PLCG2: variants seen among roughly 807,000 people sequenced by gnomAD.
The protein encoded by PLCG2 is 1-phosphatidylinositol 4,5-bisphosphate phosphodiesterase gamma-2.
Under a neutral mutation model 175.6 loss-of-function variants are expected in PLCG2, and 69 were observed. The observed-to-expected ratio is 0.39, with a 90% confidence interval of 0.32 to 0.48. The LOEUF (loss-of-function observed/expected upper bound fraction) is 0.48. PLCG2 is among the 20% of genes least tolerant of loss of function. The pLI is 0.91. For missense variants in PLCG2, 1,798 were observed against 1,650.9 expected, an observed-to-expected ratio of 1.09 and a Z score of -1.54; for synonymous variants, 827 against 624.0, an observed-to-expected ratio of 1.33 and a Z score of -4.85.
chr16:81,755,420 G>T (rs1909901913), intron 1 of PLCG2, among the ~76,000 whole-genome samples: 1 of 149,900 alleles, frequency 6.7e-6, no homozygotes, highest in South Asian at 2.1e-4. Flanking sequence ...TGCCCAGGCT[G>T]GTCTCAAACT....
chr16:81,874,095 C>A (rs999074195), intron 7 of PLCG2, among the ~76,000 whole-genome samples: 1 of 152,290 alleles, frequency 6.6e-6, no homozygotes, highest in Admixed American at 6.5e-5. Flanking sequence ...TGAGCCTGCC[C>A]CTGGTTGTAC....
intron 13 of PLCG2, among the ~76,000 whole-genome samples, chr16:81,897,534 TTTTCTTTTCTTTTC>T (rs1340697416): frequency 8.1e-6 from 1 of 123,070 alleles, no homozygotes. Context: ...TCTTTTTTTC[TTTTCTTTTCTTTTC>T]TTTTTTTTTT....
chr16:81,946,403 T>C, intron 31 of PLCG2, 140 bp downstream of exon 31: 1 of 651,192 alleles, frequency 1.5e-6, no homozygotes, highest in East Asian at 2.7e-5. Context: ...CATACAAGAA[T>C]TCCTTTTTGC....
In PLCG2 at chr16:81,789,945, G is replaced by A. The variant is rs534631703; in HGVS notation, c.193+3763G>A. Among the ~76,000 whole-genome samples, 68 of 150,878 alleles carry A rather than the reference G, an allele frequency of 4.5e-4. 1 individual carries two copies. Among genetic ancestry groups the A allele is most frequent in the African/African-American group, 1.7e-3 (68 of 40,926 alleles). ...GTTATTAAATTGGATTCAAATCTCC[G>A]TGGAGCCTATATTGCTTTATTAGGT... On this transcript the variant is annotated intron_variant, in intron 2 of 32. Coordinates refer to ENST00000564138, the MANE Select transcript of PLCG2 (RefSeq NM_002661.5).
intron 2 of PLCG2, among the ~76,000 whole-genome samples, chr16:81,829,988 G>A (rs11150416): frequency 0.42 from 63,164 of 151,596 alleles, 15,028 homozygotes; most frequent in African/African-American, 0.67. Flanking sequence ...CCCATGAACG[G>A]GCAGTGCTGT....
intron 2 of PLCG2, among the ~76,000 whole-genome samples, chr16:81,759,632 G>C (rs1402395305): frequency 1.3e-5 from 2 of 152,180 alleles, no homozygotes; most frequent in African/African-American, 4.8e-5. Context: ...AGTGCCTGGA[G>C]CCCCTGTCAT....
intron 25 of PLCG2, among the ~76,000 whole-genome samples, chr16:81,932,698 G>C (rs1267132661): frequency 1.3e-5 from 2 of 152,340 alleles, no homozygotes; most frequent in Non-Finnish European, 2.9e-5. Context: ...GCAGGGAAGT[G>C]TCCTCTTTAG....
At chr16:81,795,139 C>T (rs1167520421) in intron 2 of PLCG2, among the ~76,000 whole-genome samples, 1 of 152,210 alleles carries the variant, frequency 6.6e-6, no homozygotes, top group East Asian at 1.9e-4. Context: ...GAACAGGACC[C>T]TGAAGATCTC....
intron 2 of PLCG2, among the ~76,000 whole-genome samples, chr16:81,852,354 G>A (rs920233224): frequency 1.3e-5 from 2 of 152,096 alleles, no homozygotes; most frequent in African/African-American, 4.8e-5. Flanking sequence ...CCCTGCTGTC[G>A]CCTTCAGCTT....
intron 5 of PLCG2, among the ~76,000 whole-genome samples, chr16:81,868,537 G>A (rs1423875593): frequency 6.6e-6 from 1 of 152,114 alleles, no homozygotes; most frequent in Non-Finnish European, 1.5e-5. Context: ...AGAGTCAGTA[G>A]GAGTCTTGTT....
intron 8 of PLCG2, among the ~76,000 whole-genome samples, chr16:81,882,769 G>C (rs568279598): frequency 6.6e-6 from 1 of 151,422 alleles, no homozygotes; most frequent in African/African-American, 2.4e-5. Context: ...ACCTCATTCT[G>C]GCTCACCCCA....
intron 8 of PLCG2, among the ~76,000 whole-genome samples, chr16:81,882,724 CTTCTTGCTCACCCCACCTCA>C (rs1329676303): frequency 2.8e-4 from 42 of 152,048 alleles, no homozygotes; most frequent in African/African-American, 5.5e-4. Context: ...TCTGCACCTC[CTTCTTGCTCACCCCACCTCA>C]TTCTTGCTCA....
chr16:81,741,725 C>T (rs147561387), intron 1 of PLCG2, among the ~76,000 whole-genome samples: 2,650 of 152,118 alleles, frequency 0.017, 33 homozygotes, highest in Middle Eastern at 0.034. Flanking sequence ...GCAAGAGAAT[C>T]GCTTGAACCC....
chr16:81,765,355 G>A (rs903615590), intron 2 of PLCG2, among the ~76,000 whole-genome samples: 3 of 152,254 alleles, frequency 2.0e-5, no homozygotes, highest in Non-Finnish European at 4.4e-5. Context: ...TGCCGGCCAG[G>A]TGTGGAGGCT....
intron 24 of PLCG2, among the ~76,000 whole-genome samples, chr16:81,930,483 C>A (rs968358573): frequency 1.3e-5 from 2 of 152,146 alleles, no homozygotes; most frequent in Non-Finnish European, 2.9e-5. Context: ...TGTGGTGGCT[C>A]ATTCCTGTAA....
At chr16:81,879,697 A>G (rs762018686) in intron 7 of PLCG2, among the ~76,000 whole-genome samples, 5 of 152,228 alleles carry the variant, frequency 3.3e-5, no homozygotes, top group Non-Finnish European at 4.4e-5. Context: ...TCGCAGTGTC[A>G]TTGAAGACTG....
intron 1 of PLCG2, among the ~76,000 whole-genome samples, chr16:81,783,829 A>AG (rs972609959): frequency 1.8e-4 from 23 of 130,346 alleles, no homozygotes; most frequent in African/African-American, 5.2e-4. Context: ...AACTCTCAGC[A>AG]GGGTTTTTTT....
chr16:81,912,617 G>C lies in PLCG2; in HGVS notation c.1955G>C (p.Ser652Thr). ...CGCAGGTGGTACTATGACAGCCTGAGCCGCGGAGAGGCAGAGGACATGCTG... is the reference window on the plus strand; with the variant it reads ...CGCAGGTGGTACTATGACAGCCTGACCCGCGGAGAGGCAGAGGACATGCTG... ...ESKPWYYDSL[S>T]RGEAEDMLMR... is the part of the protein sequence containing the mutation. Residue 652 changes from serine to threonine, a missense_variant, in exon 19 of 33, where the codon AGC becomes ACC. Ser to Thr is a moderately conservative substitution (Grantham distance 58, BLOSUM62 1). Coordinates refer to ENST00000564138, the MANE Select transcript of PLCG2 (RefSeq NM_002661.5). The C allele has an allele frequency of 6.2e-7, 1 of 1,613,200 alleles. No individual in the cohort carries two copies. Among genetic ancestry groups the C allele is most frequent in the Non-Finnish European group, 8.5e-7 (1 of 1,179,824 alleles).
At chr16:81,862,156 G>A (rs776861057) in intron 5 of PLCG2, among the ~76,000 whole-genome samples, 1 of 152,218 alleles carries the variant, frequency 6.6e-6, no homozygotes, top group Non-Finnish European at 1.5e-5. Context: ...CCCACGAGAC[G>A]AATCGTGTTT....
Sources: gnomAD v4.1 joint callset for allele counts (sites outside exome capture counted in the v4.1 genomes callset) on GRCh38, gnomAD v4.1.1 for gene constraint, MANE v1.5 for transcripts, NCBI Gene and HGNC (gene_info 2026-07-23, HGNC 2026-07-21) for gene names.